The following OPCML variants were observed in gnomAD, a reference collection of about 807,000 sequenced individuals.
OPCML encodes the protein opioid-binding protein/cell adhesion molecule.
OPCML carries 13 observed loss-of-function variants against 37.8 expected under a neutral mutation model. The ratio of observed to expected loss-of-function variants is 0.34; its 90% CI spans 0.22 to 0.55. The LOEUF (loss-of-function observed/expected upper bound fraction) is 0.55, where lower values mean the gene tolerates loss of function less well. Among genes scored for constraint, OPCML ranks in the 20% least tolerant of loss-of-function variants. OPCML has a pLI of 0.91. For missense variants in OPCML, 341 were observed against 435.6 expected, an observed-to-expected ratio of 0.78 and a Z score of 1.93; for synonymous variants, 176 against 168.8, an observed-to-expected ratio of 1.04 and a Z score of -0.33.
chr11:132,849,602 C>A (rs1442145958), intron 2 of OPCML, among the ~76,000 whole-genome samples: 1 of 152,178 alleles, frequency 6.6e-6, no homozygotes, highest in African/African-American at 2.4e-5. Context: ...TGAGGACACT[C>A]CCATATAAGA....
chr11:133,107,668 T>C (rs927457391), intron 1 of OPCML, among the ~76,000 whole-genome samples: 5 of 152,214 alleles, frequency 3.3e-5, no homozygotes, highest in African/African-American at 1.2e-4. Flanking sequence ...AGACCCTTCC[T>C]GACTCAGTTT....
Position 132,531,692 on chromosome 11 carries a change from T to C in OPCML, c.380-2506A>G, listed in dbSNP as rs533285253. Among the ~76,000 whole-genome samples the C allele has an allele frequency of 1.8e-3, 268 of 152,010 alleles. 1 individual carries two copies. The highest frequency in any genetic ancestry group is 6.2e-3 in the African/African-American group (256 of 41,502). Reference sequence around the variant, plus strand: ...AGTGCACATATTTTACCCAAATACATGCTGGGAAAAAAATAGTGTACATTC... The same window carrying C: ...AGTGCACATATTTTACCCAAATACACGCTGGGAAAAAAATAGTGTACATTC... On this transcript the variant is annotated intron_variant, in intron 3 of 7. Transcript: ENST00000524381.
intron 3 of OPCML, among the ~76,000 whole-genome samples, chr11:132,537,209 G>A (rs1302515833): frequency 6.6e-6 from 1 of 152,110 alleles, no homozygotes; most frequent in Non-Finnish European, 1.5e-5. Flanking sequence ...TAGAAAATAT[G>A]CACAATTAAA....
intron 1 of OPCML, among the ~76,000 whole-genome samples, chr11:133,483,851 GGATA>G (rs72116396): frequency 0.23 from 32,514 of 141,698 alleles, 4,069 homozygotes; most frequent in African/African-American, 0.34. Flanking sequence ...GATGATAGAT[GGATA>G]GATAGATTCA....
chr11:133,115,664 A>G (rs56349327), intron 1 of OPCML, among the ~76,000 whole-genome samples: 18,664 of 152,012 alleles, frequency 0.12, 1,210 homozygotes, highest in East Asian at 0.23. Flanking sequence ...AACTAAGGGA[A>G]CTCCAAATTT....
chr11:133,220,947 C>T (rs1939792322), intron 1 of OPCML, among the ~76,000 whole-genome samples: 1 of 152,216 alleles, frequency 6.6e-6, no homozygotes, highest in Non-Finnish European at 1.5e-5. Context: ...TTGGACGGAA[C>T]TAATCTCACG....
intron 2 of OPCML, 106 bp downstream of exon 2, chr11:132,942,820 C>T (rs2136675151): frequency 6.9e-7 from 1 of 1,448,226 alleles, no homozygotes; most frequent in East Asian, 2.3e-5. Context: ...CTGCACAAGG[C>T]CCACTCGCGT....
At chr11:132,859,654 C>T (rs1409501951) in intron 2 of OPCML, 1 of 152,228 alleles carries the variant, frequency 6.6e-6, no homozygotes, top group Non-Finnish European at 1.5e-5. Flanking sequence ...CCAGACGGAG[C>T]TTTCTTGAAA....
chr11:133,420,685 C>T, intron 1 of OPCML: 1 of 985,378 alleles, frequency 1.0e-6, no homozygotes. Context: ...GAAAAGGATG[C>T]ATCTAGGCCT....
At chr11:133,373,450 C>T (rs200397069) in intron 1 of OPCML, among the ~76,000 whole-genome samples, 428 of 60,176 alleles carry the variant, frequency 7.1e-3, no homozygotes, top group East Asian at 0.058. Flanking sequence ...TATATATATA[C>T]ACACACACAC....
chr11:132,751,825 T>C (rs768804144), intron 2 of OPCML, among the ~76,000 whole-genome samples: 1 of 152,232 alleles, frequency 6.6e-6, no homozygotes, highest in African/African-American at 2.4e-5. Context: ...GAAAGAAAAG[T>C]GCCAGTCAAT....
At chr11:133,508,004 G>A (rs750846286) in intron 1 of OPCML, among the ~76,000 whole-genome samples, 6 of 151,622 alleles carry the variant, frequency 4.0e-5, no homozygotes, top group Non-Finnish European at 5.9e-5. Context: ...CTGTAAGATC[G>A]TTTTCCCCAA....
At chr11:133,296,759 A>C (rs1227268257) in intron 1 of OPCML, among the ~76,000 whole-genome samples, 2 of 152,248 alleles carry the variant, frequency 1.3e-5, no homozygotes, top group African/African-American at 2.4e-5. Context: ...ATTTCATAAA[A>C]GGTAGACATT....
At chr11:132,799,084 G>A (rs1938495284) in intron 2 of OPCML, among the ~76,000 whole-genome samples, 2 of 152,206 alleles carry the variant, frequency 1.3e-5, no homozygotes, top group African/African-American at 4.8e-5. Flanking sequence ...GTGGTCACCA[G>A]CTGCATTAGC....
intron 2 of OPCML, among the ~76,000 whole-genome samples, chr11:132,809,974 C>T (rs960572248): frequency 2.0e-5 from 3 of 152,122 alleles, no homozygotes; most frequent in Non-Finnish European, 2.9e-5. Flanking sequence ...CTCAGCCTCC[C>T]GAGTAGCCGG....
chr11:132,573,406 T>C (rs777777697), intron 3 of OPCML, among the ~76,000 whole-genome samples: 1 of 151,992 alleles, frequency 6.6e-6, no homozygotes, highest in Non-Finnish European at 1.5e-5. Flanking sequence ...TTTTATCATG[T>C]TGATATATTT....
intron 2 of OPCML, among the ~76,000 whole-genome samples, chr11:132,689,177 A>G (rs1400533486): frequency 6.6e-6 from 1 of 152,194 alleles, no homozygotes; most frequent in Non-Finnish European, 1.5e-5. Flanking sequence ...TTTTCAGAAT[A>G]TACAAAGAAA....
intron 1 of OPCML, among the ~76,000 whole-genome samples, chr11:133,131,019 G>T (rs909957380): frequency 1.3e-5 from 2 of 152,012 alleles, no homozygotes; most frequent in Admixed American, 6.6e-5. Context: ...GGGAATTTGG[G>T]GTGGGGAATA....
chr11:132,889,166 GGACA>G (rs890235260), intron 2 of OPCML, among the ~76,000 whole-genome samples: 1 of 152,192 alleles, frequency 6.6e-6, no homozygotes, highest in Non-Finnish European at 1.5e-5. Flanking sequence ...GAGATCTCAA[GGACA>G]GACAAAGAAA....
Sources: gnomAD v4.1 joint callset for allele counts (sites outside exome capture counted in the v4.1 genomes callset) on GRCh38, gnomAD v4.1.1 for gene constraint, MANE v1.5 for transcripts, NCBI Gene and HGNC (gene_info 2026-07-23, HGNC 2026-07-21) for gene names.